Variants in WIZ observed in about 807,000 individuals in gnomAD.
WIZ encodes the protein WIZ zinc finger.
WIZ carries 25 observed loss-of-function variants against 140.2 expected under a neutral mutation model. That is an observed-to-expected ratio of 0.18 (90% CI 0.13 to 0.25). The LOEUF is 0.25. Among genes scored for constraint, WIZ ranks in the 10% least tolerant of loss-of-function variants. The pLI is 1.00. For missense variants in WIZ, 2,231 were observed against 2,632.6 expected (o/e 0.85, Z 3.34); for synonymous variants, 1,125 against 1,154.3 (o/e 0.97, Z 0.51).
At chr19:15,445,013 C>T (rs1373156423) in intron 2 of WIZ, among the ~76,000 whole-genome samples, 19 of 152,242 alleles carry the variant, frequency 1.2e-4, no homozygotes, top group Non-Finnish European at 1.5e-5. Context: ...GCAGGCCAAG[C>T]AGTGCCCTGT....
intron 6 of WIZ, 72 bp downstream of exon 6, chr19:15,430,940 A>G: frequency 1.4e-6 from 2 of 1,438,264 alleles, no homozygotes; most frequent in Middle Eastern, 2.5e-4. Context: ...ATTAACCCCA[A>G]GGCACGAGAG....
chr19:15,426,919 A>C, intron 9 of WIZ, 63 bp downstream of exon 9: 1 of 1,539,460 alleles, frequency 6.5e-7, no homozygotes. Flanking sequence ...GATACCCCCA[A>C]GGGGAGGCAG....
chr19:15,447,847 G>T (rs1036189868), intron 2 of WIZ, among the ~76,000 whole-genome samples: 1 of 152,196 alleles, frequency 6.6e-6, no homozygotes, highest in African/African-American at 2.4e-5. Context: ...CTCAGAGGAG[G>T]AAGCCAGGCT....
chr19:15,425,746 G>C lies in WIZ; in HGVS notation c.4389C>G (p.Arg1463=), dbSNP rs183431827. Reference sequence around the variant, plus strand: ...CGCCGCAGAACTCACAGCGGATGTCGCGCACCGGCTCTGCCCGGGACGCTG... The same window carrying C: ...CGCCGCAGAACTCACAGCGGATGTCCCGCACCGGCTCTGCCCGGGACGCTG... ...LNLSSRAEPV[R]DIRCEFCGEF... Residue 1463 remains arginine (R), a synonymous_variant, in exon 10 of 13, where the codon CGC becomes CGG. Coordinates refer to ENST00000673675, the MANE Select transcript of WIZ (RefSeq NM_001371589.1). 12,797 of 1,599,978 alleles carry C rather than the reference G, an allele frequency of 8.0e-3. 89 individuals are homozygous for C. The highest frequency in any genetic ancestry group is 0.021 in the Middle Eastern group (112 of 5,372).
intron 5 of WIZ, chr19:15,433,341 G>T (rs963436463): frequency 2.0e-6 from 2 of 985,334 alleles, no homozygotes; most frequent in Non-Finnish European, 2.4e-6. Context: ...GGCTAGAATC[G>T]GAACATTGCC....
At chr19:15,448,956 C>T (rs1252701089) in intron 1 of WIZ, among the ~76,000 whole-genome samples, 1 of 152,030 alleles carries the variant, frequency 6.6e-6, no homozygotes. Flanking sequence ...CCTTCACCCC[C>T]CTCCACACAC....
rs1046761841 is a variant in WIZ at position 15,438,885 on chromosome 19, C to A, written c.2109G>T (p.Arg703Ser). 13 of 1,455,500 alleles carry A rather than the reference C, an allele frequency of 8.9e-6. No individual in the cohort carries two copies. In the East Asian group the frequency reaches 2.2e-4, roughly 25 times the overall value. 90.2% of individuals were successfully genotyped at this position (1,455,500 alleles called of 1,614,324 possible). Residue 703 changes from arginine (R) to serine (S), a missense_variant, in exon 4 of 13, where the codon AGG becomes AGT. By Grantham distance (110) the Arg-to-Ser change is moderately radical. Transcript: ENST00000673675. ...QVMAAARVPP[R>S]LQPEELGLAG... Reference sequence around the variant, plus strand: ...CCAGCCCCAGCTCCTCGGGCTGCAACCTTGGGGGCACCCTGGCTGCCGCCA... The same window carrying A: ...CCAGCCCCAGCTCCTCGGGCTGCAAACTTGGGGGCACCCTGGCTGCCGCCA...
At position 15,427,283 on chromosome 19, in the gene WIZ, T is replaced by C. The variant is rs565970975; in HGVS notation, c.4065A>G (p.Ala1355=). The C allele has an allele frequency of 1.9e-6, 3 of 1,613,678 alleles. No individual in the cohort carries two copies. The highest frequency in any genetic ancestry group is 2.5e-6 in the Non-Finnish European group (3 of 1,179,934). Residue 1355 remains alanine, a synonymous_variant, in exon 9 of 13, where the codon GCA becomes GCG. Transcript: ENST00000673675. The surrounding 1 kb of genome is among the most constrained non-coding windows in gnomAD (Gnocchi z 6.4). ...PKALAKMMGG[A]GPGSSLEARS... ...GGGCTTCCAGTGAGCTGCCAGGACC[T>C]GCGCCGCCCATCATCTTGGCCAGGG...
In WIZ at chr19:15,424,351, G is replaced by A; in HGVS notation, c.5342C>T (p.Pro1781Leu). The change falls in exon 12 of 13, where the codon CCA (proline) becomes CTA (leucine). Residue 1781 changes from proline (P) to leucine (L), a missense_variant. Physicochemically the swap from Pro to Leu is moderately conservative, Grantham distance 98 (BLOSUM62 -3). This residue lies in a region of WIZ where 299 missense variants were observed against 309.6 expected (regional missense o/e 0.97). Coordinates refer to ENST00000673675, the MANE Select transcript of WIZ (RefSeq NM_001371589.1). The surrounding 1 kb of genome is among the most constrained non-coding windows in gnomAD (Gnocchi z 9.7). ...NKFERRQARP[P>L]DASAARGGED... ...GCCTCCCCGGGCTGCGGAGGCATCT[G>A]GAGGGCGGGCTTGTCGGCGTTCAAA... 6.2e-7 allele frequency: 1 copy of A among 1,602,794 alleles called. No homozygotes were observed. The highest frequency in any genetic ancestry group is 8.5e-7 in the Non-Finnish European group (1 of 1,176,820).
intron 6 of WIZ, 112 bp downstream of exon 6, chr19:15,430,900 G>A (rs1256127622): frequency 1.2e-5 from 16 of 1,347,550 alleles, no homozygotes; most frequent in South Asian, 1.6e-5. Context: ...AGGTGCCAGA[G>A]GGAAAACTGC....
rs1249136993 is a variant in WIZ at position 15,421,427 on chromosome 19, C to T, written c.*1649G>A. The T allele has an allele frequency of 6.6e-6, 1 of 152,318 alleles. No homozygotes were observed. Among genetic ancestry groups the T allele is most frequent in the Non-Finnish European group, 1.5e-5 (1 of 68,068 alleles). 9.4% of individuals were successfully genotyped at this position (152,318 alleles called of 1,614,324 possible). On this transcript the variant is annotated 3_prime_UTR_variant, in exon 13 of 13. Transcript: ENST00000673675. ...GCAGGGCTGGGGGTAGAGGTGGCCC[C>T]TTCTGTCCACACGCCATGAGGTCGT...
rs1969661828 is a variant in WIZ, at chr19:15,439,782, A to G, written c.1212T>C (p.Pro404=). The G allele has an allele frequency of 6.7e-7, 1 of 1,502,232 alleles. No homozygotes were observed. The highest frequency in any genetic ancestry group is 1.4e-5 in the African/African-American group (1 of 71,854). 93.1% of individuals were successfully genotyped at this position (1,502,232 alleles called of 1,614,324 possible). Residue 404 remains proline, a synonymous_variant, in exon 4 of 13, where the codon CCT becomes CCC. Coordinates refer to ENST00000673675, the MANE Select transcript of WIZ (RefSeq NM_001371589.1). The surrounding 1 kb of genome is among the most constrained non-coding windows in gnomAD (Gnocchi z 7.0). The stretch of plus-strand genomic sequence containing the variant: ...ATGAATTGGTGCCAAAGACACACTT[A>G]GGGCACTGCAGCCGTGCCTCCCGGC... ...DEGREARLQC[P]KCVFGTNSSR...
Position 15,438,884 on chromosome 19 carries a change from A to G in WIZ, c.2110T>C (p.Leu704=), listed in dbSNP as rs993940555. 1.4e-6 allele frequency: 2 copies of G among 1,455,790 alleles called. No homozygotes were observed. Among genetic ancestry groups the G allele is most frequent in the African/African-American group, 2.8e-5 (2 of 70,518 alleles). The allele number at this position is 1,455,790 out of a possible 1,614,324, so 90.2% of individuals were successfully genotyped here. The change falls in exon 4 of 13, where the codon TTG becomes CTG. Residue 704 remains leucine (L), a synonymous_variant. Coordinates refer to ENST00000673675, the MANE Select transcript of WIZ (RefSeq NM_001371589.1). Reference sequence around the variant, plus strand: ...GCCAGCCCCAGCTCCTCGGGCTGCAACCTTGGGGGCACCCTGGCTGCCGCC... The same window carrying G: ...GCCAGCCCCAGCTCCTCGGGCTGCAGCCTTGGGGGCACCCTGGCTGCCGCC... ...VMAAARVPPR[L]QPEELGLAGA...
At position 15,448,116 on chromosome 19, in the gene WIZ, T is replaced by C. The variant is rs1969982129; in HGVS notation, c.192A>G (p.Arg64=). The C allele has an allele frequency of 6.2e-7, 1 of 1,612,252 alleles. No homozygotes were observed. The highest frequency in any genetic ancestry group is 8.5e-7 in the Non-Finnish European group (1 of 1,179,200). Residue 64 remains arginine (R), a synonymous_variant, in exon 2 of 13, where the codon AGA becomes AGG. Transcript: ENST00000673675. ...KEGPRDILDG[R]GGISDGQPHP... is the part of the protein sequence containing the mutation. Reference sequence around the variant, plus strand: ...CCATTCTCTTACCAGAGATGCCACCTCTGCCATCCAGAATGTCTCGGGGGC... The same window carrying C: ...CCATTCTCTTACCAGAGATGCCACCCCTGCCATCCAGAATGTCTCGGGGGC...
chr19:15,449,885 C>CCCGGTG lies in WIZ; in HGVS notation c.-154_-149dup, dbSNP rs1273312512. The CCCGGTG allele has an allele frequency of 6.7e-6, 1 of 149,692 alleles. No individual in the cohort carries two copies. Among genetic ancestry groups the CCCGGTG allele is most frequent in the Non-Finnish European group, 1.5e-5 (1 of 66,742 alleles). 9.3% of individuals were successfully genotyped at this position (149,692 alleles called of 1,614,324 possible). A position where few individuals can be genotyped will look rare whatever the true frequency, so the allele number is the denominator to read the frequency against. On this transcript the variant is annotated 5_prime_UTR_variant, in exon 1 of 13. Coordinates refer to ENST00000673675, the MANE Select transcript of WIZ (RefSeq NM_001371589.1). ...CGCTGCCGCTACCGCCGCTGCCGCT[C>CCCGGTG]CCGGTGCCGGTGCCGCGGCCTCCGC...
Position 15,427,657 on chromosome 19 carries a change from C to T in WIZ, c.3815-124G>A, listed in dbSNP as rs1018871045. Reference sequence around the variant, plus strand: ...CGCCCACAGGTTAGGGTGGTGAGGGCAGGTGCAGGTAAGGGAGTGGAGGAG... The same window carrying T: ...CGCCCACAGGTTAGGGTGGTGAGGGTAGGTGCAGGTAAGGGAGTGGAGGAG... On this transcript the variant is annotated intron_variant, in intron 8 of 12. Coordinates refer to ENST00000673675, the MANE Select transcript of WIZ (RefSeq NM_001371589.1). This position sits in a 1 kb window ranked among gnomAD's most constrained non-coding sequence, Gnocchi z 6.4. The T allele has an allele frequency of 1.8e-6, 2 of 1,108,336 alleles. No individual in the cohort carries two copies. Among genetic ancestry groups the T allele is most frequent in the African/African-American group, 3.2e-5 (2 of 63,350 alleles). The allele number at this position is 1,108,336 out of a possible 1,614,324, so 68.7% of individuals were successfully genotyped here. A position where few individuals can be genotyped will look rare whatever the true frequency, so the allele number is the denominator to read the frequency against.
In WIZ at chr19:15,430,085, C is replaced by T. The variant is rs772778048; in HGVS notation, c.2916G>A (p.Gln972=). 4 of 1,525,656 alleles carry T rather than the reference C, an allele frequency of 2.6e-6. No individual in the cohort carries two copies. The South Asian group carries it at 4.8e-5, about 18-fold the overall frequency. 94.5% of individuals were successfully genotyped at this position (1,525,656 alleles called of 1,614,324 possible). Reference sequence around the variant, plus strand: ...CGCAGACCTCGCAGGTGGTCAGGCTCTGGGCTGAAGGGCAACACAGAGGCC... The same window carrying T: ...CGCAGACCTCGCAGGTGGTCAGGCTTTGGGCTGAAGGGCAACACAGAGGCC... The part of the protein sequence containing the change: ...SKQELQDLKA[Q]SLTTCEVCGA... The change falls in exon 7 of 13, where the codon CAG becomes CAA. Residue 972 remains glutamine (Q), a synonymous_variant. Transcript: ENST00000673675.
In WIZ at chr19:15,448,107, G is replaced by T. The variant is rs62115899; in HGVS notation, c.201C>A (p.Ile67=). The T allele has an allele frequency of 0.023, 36,611 of 1,612,422 alleles. 546 individuals are homozygous for T. Among genetic ancestry groups the T allele is most frequent in the Non-Finnish European group, 0.027 (31,260 of 1,179,276 alleles). ...CCACACGGCCCATTCTCTTACCAGA[G>T]ATGCCACCTCTGCCATCCAGAATGT... ...PRDILDGRGG[I]SDGQPHPGLS... Residue 67 remains isoleucine, a synonymous_variant, in exon 2 of 13, where the codon ATC becomes ATA. Transcript: ENST00000673675.
At chr19:15,435,559 G>T (rs751933765) in intron 5 of WIZ, among the ~76,000 whole-genome samples, 11 of 152,252 alleles carry the variant, frequency 7.2e-5, no homozygotes, top group South Asian at 4.1e-4. Flanking sequence ...TCTAGGCCGG[G>T]TGCAGTGGCT....
Sources: gnomAD v4.1 joint callset for allele counts (sites outside exome capture counted in the v4.1 genomes callset) on GRCh38, gnomAD v4.1.1 for gene constraint, gnomAD v4.1.1 regional missense constraint, Gnocchi (gnomAD v3.1) non-coding constraint, MANE v1.5 for transcripts, NCBI Gene and HGNC (gene_info 2026-07-23, HGNC 2026-07-21) for gene names.